Variants in PLBD1 observed in about 807,000 individuals in gnomAD.
PLBD1 encodes lysosomal leucine aminopeptidase.
PLBD1 carries 60 observed loss-of-function variants against 63.0 expected under a neutral mutation model. The ratio of observed to expected loss-of-function variants is 0.95; its 90% CI spans 0.77 to 1.18. The LOEUF (loss-of-function observed/expected upper bound fraction) is 1.18. Among genes scored for constraint, PLBD1 ranks in the 50% most tolerant of loss-of-function variants. The probability of loss-of-function intolerance (pLI) is 0.00; values close to 1 mark genes in which losing one functional copy is unlikely to be tolerated. For missense variants in PLBD1, 598 were observed against 677.9 expected (o/e 0.88, Z 1.31); for synonymous variants, 262 against 248.0 (o/e 1.06, Z -0.53).
intron 1 of PLBD1, among the ~76,000 whole-genome samples, chr12:14,567,286 G>A (rs1945797489): frequency 6.6e-6 from 1 of 152,240 alleles, no homozygotes; most frequent in Non-Finnish European, 1.5e-5. Context: ...GAGTTTTTAA[G>A]ACCAGCCCAG....
intron 5 of PLBD1, chr12:14,536,222 C>G (rs1945513328): frequency 8.3e-6 from 2 of 242,296 alleles, no homozygotes; most frequent in African/African-American, 2.3e-5. Flanking sequence ...TCGCTTGAAC[C>G]TGGGAGGCAG....
At chr12:14,560,114 C>G (rs1451537564) in intron 1 of PLBD1, among the ~76,000 whole-genome samples, 3 of 152,186 alleles carry the variant, frequency 2.0e-5, no homozygotes, top group African/African-American at 7.2e-5. Context: ...CCTGCCTTGG[C>G]CTCCCAAAGT....
At chr12:14,526,731 G>A (rs1429224321) in intron 6 of PLBD1, among the ~76,000 whole-genome samples, 2 of 152,194 alleles carry the variant, frequency 1.3e-5, no homozygotes, top group Non-Finnish European at 2.9e-5. Flanking sequence ...CCAGCACTTT[G>A]GGAGGCCGAG....
intron 6 of PLBD1, 36 bp from the exon 7 acceptor site, chr12:14,511,747 A>G (rs756779353): frequency 1.9e-6 from 3 of 1,568,556 alleles, no homozygotes; most frequent in South Asian, 2.2e-5. Context: ...CAGCATATGT[A>G]TACATGGAAC....
chr12:14,544,577 CAG>C (rs1409994776), intron 2 of PLBD1, among the ~76,000 whole-genome samples: 1 of 152,112 alleles, frequency 6.6e-6, no homozygotes, highest in Admixed American at 6.6e-5. Flanking sequence ...AGGTCTATAT[CAG>C]AGTTTCTCAA....
In PLBD1 at chr12:14,541,022, A is replaced by G; in HGVS notation, c.420-120T>C. ...TATGCTAATGTGATTTAAATTCTAG[A>G]TCTTGTAACACTCCAGTCACTCAAA... On this transcript the variant is annotated intron_variant, in intron 3 of 10. Transcript: ENST00000240617. 2.8e-6 allele frequency: 3 copies of G among 1,087,572 alleles called. No homozygotes were observed. In the Admixed American group the frequency reaches 7.4e-5, roughly 27 times the overall value. 67.4% of individuals were successfully genotyped at this position (1,087,572 alleles called of 1,614,324 possible).
intron 6 of PLBD1, among the ~76,000 whole-genome samples, chr12:14,527,973 G>T (rs527426314): frequency 2.6e-5 from 4 of 152,048 alleles, no homozygotes; most frequent in African/African-American, 9.6e-5. Context: ...TGATAAAAGG[G>T]TCAATATAGT....
At chr12:14,508,038 T>C (rs1309346475) in intron 8 of PLBD1, among the ~76,000 whole-genome samples, 1 of 152,146 alleles carries the variant, frequency 6.6e-6, no homozygotes, top group Non-Finnish European at 1.5e-5. Flanking sequence ...AGGGGTGAGG[T>C]TACTGAGACA....
chr12:14,563,470 A>G (rs779216446), intron 1 of PLBD1, among the ~76,000 whole-genome samples: 1 of 152,146 alleles, frequency 6.6e-6, no homozygotes, highest in Non-Finnish European at 1.5e-5. Flanking sequence ...CGGAGCCAAG[A>G]TCGCGCCTTT....
chr12:14,547,008 G>A (rs1945621409), intron 2 of PLBD1, among the ~76,000 whole-genome samples: 1 of 151,998 alleles, frequency 6.6e-6, no homozygotes, highest in South Asian at 2.1e-4. Flanking sequence ...AGCCTCCCAA[G>A]TAGCTAGGAT....
intron 6 of PLBD1, among the ~76,000 whole-genome samples, chr12:14,520,174 A>T (rs188495885): frequency 6.6e-6 from 1 of 152,354 alleles, no homozygotes; most frequent in Admixed American, 6.5e-5. Context: ...TTCCCAACTC[A>T]TATGCAGCTC....
intron 6 of PLBD1, among the ~76,000 whole-genome samples, chr12:14,533,880 C>T (rs762319088): frequency 6.6e-6 from 1 of 152,200 alleles, no homozygotes; most frequent in Non-Finnish European, 1.5e-5. Flanking sequence ...CATGATTGCT[C>T]ACACCTTAAT....
At chr12:14,533,158 A>T (rs1203116751) in intron 6 of PLBD1, 4 of 152,256 alleles carry the variant, frequency 2.6e-5, no homozygotes, top group Admixed American at 6.5e-5. Context: ...CTAAGATGGC[A>T]TGAGCTTCAT....
At chr12:14,558,788 T>C (rs989322961) in intron 1 of PLBD1, among the ~76,000 whole-genome samples, 16 of 152,214 alleles carry the variant, frequency 1.1e-4, no homozygotes, top group Admixed American at 3.3e-4. Context: ...TTTTCACTGT[T>C]GCTGGTCCTA....
chr12:14,516,037 A>T (rs1176166566), intron 6 of PLBD1, among the ~76,000 whole-genome samples: 1 of 141,306 alleles, frequency 7.1e-6, no homozygotes, highest in East Asian at 1.9e-4. Context: ...ACTCCATCTC[A>T]AAAAAAAACA....
At position 14,567,691 on chromosome 12, in the gene PLBD1, G is replaced by A. The variant is rs1424948664; in HGVS notation, c.6C>T (p.Thr2=). 20 of 1,456,068 alleles carry A rather than the reference G, an allele frequency of 1.4e-5. No homozygotes were observed. Among genetic ancestry groups the A allele is most frequent in the Non-Finnish European group, 1.8e-5 (20 of 1,115,938 alleles). The allele number at this position is 1,456,068 out of a possible 1,614,324, so 90.2% of individuals were successfully genotyped here. A position where few individuals can be genotyped will look rare whatever the true frequency, so the allele number is the denominator to read the frequency against. Residue 2 remains threonine (T), a synonymous_variant, in exon 1 of 11, where the codon ACC becomes ACT. Transcript: ENST00000240617. ...CCGGGCGCCCGCCCGGACCGCCGCG[G>A]GTCATCGCTCCACGGCCGCGACCTT... The part of the protein sequence containing the change: M[T]RGGPGGRPGL...
chr12:14,556,357 A>C (rs943661581), intron 1 of PLBD1, among the ~76,000 whole-genome samples: 3 of 152,122 alleles, frequency 2.0e-5, no homozygotes, highest in Admixed American at 2.0e-4. Flanking sequence ...CAAACGTTCC[A>C]AACTGGACCA....
intron 6 of PLBD1, among the ~76,000 whole-genome samples, chr12:14,519,285 A>G (rs1369165953): frequency 6.6e-6 from 1 of 152,192 alleles, no homozygotes; most frequent in Non-Finnish European, 1.5e-5. Context: ...AACTGAGGTC[A>G]TATGGGCAAA....
In PLBD1 at chr12:14,567,637, C is replaced by CG. The variant is rs1945805036; in HGVS notation, c.59_60insC (p.Leu21AlafsTer31). Reference sequence around the variant, plus strand: ...ACAACAGCGGCAGCAGCAGCAGCAGCAGCAGAAGCGGTGGCGGCTGTGGCA... The same window carrying CG: ...ACAACAGCGGCAGCAGCAGCAGCAGCGAGCAGAAGCGGTGGCGGCTGTGGCA... On this transcript the variant is annotated frameshift_variant, in exon 1 of 11. Coordinates refer to ENST00000240617, the MANE Select transcript of PLBD1 (RefSeq NM_024829.6). LOFTEE classifies it high-confidence loss of function. 6.7e-7 allele frequency: 1 copy of CG among 1,498,092 alleles called. No homozygotes were observed. Among genetic ancestry groups the CG allele is most frequent in the Admixed American group, 2.2e-5 (1 of 45,702 alleles). 92.8% of individuals were successfully genotyped at this position (1,498,092 alleles called of 1,614,324 possible). A position where few individuals can be genotyped will look rare whatever the true frequency, so the allele number is the denominator to read the frequency against.
Sources: allele counts gnomAD v4.1 joint callset (sites outside exome capture counted in the v4.1 genomes callset), GRCh38; gene constraint gnomAD v4.1.1; transcripts MANE v1.5; gene names NCBI Gene and HGNC (gene_info 2026-07-23, HGNC 2026-07-21).